PCDH9: variants seen among roughly 807,000 people sequenced by gnomAD.
PCDH9 encodes the protein protocadherin-9.
Under a neutral mutation model 70.6 loss-of-function variants are expected in PCDH9, and 24 were observed. That is an observed-to-expected ratio of 0.34 (90% CI 0.25 to 0.48). The LOEUF (loss-of-function observed/expected upper bound fraction) is 0.48. Among genes scored for constraint, PCDH9 ranks in the 20% least tolerant of loss-of-function variants. The pLI is 0.99. For missense variants in PCDH9, 1,281 were observed against 1,503.6 expected (o/e 0.85, Z 2.45); for synonymous variants, 562 against 558.5 (o/e 1.01, Z -0.09).
intron 3 of PCDH9, among the ~76,000 whole-genome samples, chr13:66,849,765 T>A (rs1216138594): frequency 6.6e-6 from 1 of 152,120 alleles, no homozygotes; most frequent in African/African-American, 2.4e-5. Context: ...GGAAGAAGTC[T>A]CTGGTAATAT....
At chr13:67,187,974 C>A (rs1348548522) in intron 2 of PCDH9, among the ~76,000 whole-genome samples, 3 of 151,998 alleles carry the variant, frequency 2.0e-5, no homozygotes, top group African/African-American at 7.2e-5. Context: ...ACTATAGTCA[C>A]CCTGTACTGT....
At chr13:66,962,775 CT>C (rs1302608120) in intron 2 of PCDH9, among the ~76,000 whole-genome samples, 1 of 152,064 alleles carries the variant, frequency 6.6e-6, no homozygotes, top group Non-Finnish European at 1.5e-5. Flanking sequence ...TGGTCTCCAA[CT>C]TTTTTGGCAC....
At chr13:67,026,647 T>C (rs1268980214) in intron 2 of PCDH9, among the ~76,000 whole-genome samples, 1 of 152,024 alleles carries the variant, frequency 6.6e-6, no homozygotes, top group Non-Finnish European at 1.5e-5. Flanking sequence ...GATGACATGA[T>C]TGTATATCTA....
intron 2 of PCDH9, among the ~76,000 whole-genome samples, chr13:67,022,981 C>G (rs1324701357): frequency 6.6e-6 from 1 of 152,198 alleles, no homozygotes; most frequent in African/African-American, 2.4e-5. Context: ...CCTATTGATA[C>G]AAATTGAATC....
At chr13:66,421,054 T>A (rs970386647) in intron 4 of PCDH9, among the ~76,000 whole-genome samples, 1 of 150,880 alleles carries the variant, frequency 6.6e-6, no homozygotes, top group African/African-American at 2.4e-5. Flanking sequence ...AATGGCCAAA[T>A]CTATCAAGCA....
intron 4 of PCDH9, among the ~76,000 whole-genome samples, chr13:66,522,791 G>A (rs1258907058): frequency 6.6e-6 from 1 of 151,956 alleles, no homozygotes. Flanking sequence ...TTAAAACTTT[G>A]GAGGAAGTGG....
intron 4 of PCDH9, among the ~76,000 whole-genome samples, chr13:66,586,993 T>C (rs2076971270): frequency 6.6e-6 from 1 of 151,936 alleles, no homozygotes; most frequent in African/African-American, 2.4e-5. Flanking sequence ...GAAAATAAAA[T>C]TAATATATTA....
chr13:67,007,725 C>T (rs1274379316), intron 2 of PCDH9, among the ~76,000 whole-genome samples: 2 of 152,160 alleles, frequency 1.3e-5, no homozygotes, highest in Non-Finnish European at 2.9e-5. Flanking sequence ...CTCATTTTGA[C>T]AAGTGCTGAT....
At chr13:67,075,232 C>T (rs2085854926) in intron 2 of PCDH9, among the ~76,000 whole-genome samples, 1 of 151,820 alleles carries the variant, frequency 6.6e-6, no homozygotes, top group Non-Finnish European at 1.5e-5. Context: ...CAAACGTAGC[C>T]CACATAAATC....
intron 4 of PCDH9, among the ~76,000 whole-genome samples, chr13:66,454,370 T>G (rs997786183): frequency 6.6e-6 from 1 of 152,182 alleles, no homozygotes; most frequent in Admixed American, 6.5e-5. Flanking sequence ...ACAAGTTCAC[T>G]TGACATACAA....
chr13:66,727,851 A>C (rs2079025842), intron 3 of PCDH9, among the ~76,000 whole-genome samples: 1 of 152,166 alleles, frequency 6.6e-6, no homozygotes, highest in South Asian at 2.1e-4. Flanking sequence ...TATCTAAATT[A>C]AATGATGTTA....
chr13:66,883,484 T>C (rs946642797), intron 3 of PCDH9, among the ~76,000 whole-genome samples: 2 of 152,150 alleles, frequency 1.3e-5, no homozygotes, highest in African/African-American at 4.8e-5. Context: ...TTTCATTTGC[T>C]GACTGAAGAT....
intron 2 of PCDH9, among the ~76,000 whole-genome samples, chr13:67,068,314 G>T (rs1402787266): frequency 6.6e-6 from 1 of 151,550 alleles, no homozygotes; most frequent in Non-Finnish European, 1.5e-5. Flanking sequence ...TTTATTAAAA[G>T]TTCATTTTTT....
At chr13:66,382,743 T>A (rs1440699855) in intron 4 of PCDH9, among the ~76,000 whole-genome samples, 1 of 152,026 alleles carries the variant, frequency 6.6e-6, no homozygotes, top group East Asian at 1.9e-4. Context: ...TTCTTAATTA[T>A]TTTGTGGCCA....
chr13:66,759,298 AAGGTAC>A (rs1327929311), intron 3 of PCDH9, among the ~76,000 whole-genome samples: 4 of 151,972 alleles, frequency 2.6e-5, no homozygotes, highest in Admixed American at 6.6e-5. Flanking sequence ...TAATTAAGTA[AAGGTAC>A]TCCAAATCTC....
rs76030978 is a variant in PCDH9 at position 66,447,495 on chromosome 13, A to C, written c.3341-142467T>G. On this transcript the variant is annotated intron_variant, in intron 4 of 4. Transcript: ENST00000377865. ...TTTACTTGTGTCTCTCTTTTTAAAA[A>C]TTTTTGCAAATAAAAAAATTAATTT... 9.8e-3 allele frequency among the ~76,000 whole-genome samples: 1,486 copies of C among 152,188 alleles called. 25 individuals are homozygous for C. The highest frequency in any genetic ancestry group is 0.033 in the African/African-American group (1,379 of 41,558).
At chr13:67,052,076 A>G (rs2085334866) in intron 2 of PCDH9, among the ~76,000 whole-genome samples, 1 of 152,186 alleles carries the variant, frequency 6.6e-6, no homozygotes, top group African/African-American at 2.4e-5. Context: ...CTCTGCTATA[A>G]GTGATATAGT....
At chr13:67,103,422 ACG>A in intron 2 of PCDH9, among the ~76,000 whole-genome samples, 1 of 152,144 alleles carries the variant, frequency 6.6e-6, no homozygotes. Context: ...ATTTGTTTAC[ACG>A]TAACAATCAG....
intron 3 of PCDH9, among the ~76,000 whole-genome samples, chr13:66,795,463 T>C (rs2080226822): frequency 6.6e-6 from 1 of 152,208 alleles, no homozygotes; most frequent in Admixed American, 6.6e-5. Flanking sequence ...TAGCTTTAAT[T>C]AATTAATTCC....
Sources: gnomAD v4.1 joint callset for allele counts (sites outside exome capture counted in the v4.1 genomes callset) on GRCh38, gnomAD v4.1.1 for gene constraint, MANE v1.5 for transcripts, NCBI Gene and HGNC (gene_info 2026-07-23, HGNC 2026-07-21) for gene names.